Variants in ARIH2 observed in about 807,000 individuals in gnomAD.
ARIH2 encodes the protein E3 ubiquitin-protein ligase ARIH2.
A neutral mutation model predicts 79.8 loss-of-function variants in ARIH2; 12 were observed. The ratio of observed to expected loss-of-function variants is 0.15; its 90% CI spans 0.10 to 0.24. The LOEUF is 0.24. Ranked by LOEUF, ARIH2 falls within the 10% of genes least tolerant of loss-of-function variation. The pLI, the probability that ARIH2 is intolerant of heterozygous loss-of-function variation, is 1.00. For missense variants in ARIH2, 301 were observed against 618.3 expected (o/e 0.49, Z 5.44); for synonymous variants, 224 against 213.9 (o/e 1.05, Z -0.41).
At chr3:48,930,462 T>C (rs1195932396) in intron 3 of ARIH2, among the ~76,000 whole-genome samples, 2 of 152,114 alleles carry the variant, frequency 1.3e-5, no homozygotes. Context: ...CAGCTTGGGC[T>C]ACAGAGCAAG....
chr3:48,938,432 C>A (rs945378955), intron 3 of ARIH2, among the ~76,000 whole-genome samples: 1 of 151,894 alleles, frequency 6.6e-6, no homozygotes, highest in Admixed American at 6.6e-5. Context: ...AAAGAATGAG[C>A]TACTTATATA....
chr3:48,943,455 T>C (rs2088644242), intron 3 of ARIH2: 1 of 151,660 alleles, frequency 6.6e-6, no homozygotes, highest in Admixed American at 6.6e-5. Context: ...TTGTGGTGGA[T>C]GTGGGTGTGG....
At chr3:48,919,916 A>C (rs2084544614) in intron 1 of ARIH2, among the ~76,000 whole-genome samples, 1 of 152,094 alleles carries the variant, frequency 6.6e-6, no homozygotes, top group Non-Finnish European at 1.5e-5. Flanking sequence ...CGTGGTGGGC[A>C]AGCCCAGGAT....
At chr3:48,973,941 G>A (rs887529030) in intron 9 of ARIH2, 125 bp downstream of exon 9, 1 of 660,804 alleles carries the variant, frequency 1.5e-6, no homozygotes, top group Non-Finnish European at 2.6e-6. Flanking sequence ...AGGACTGGGG[G>A]TTTGGGGACC....
chr3:48,927,480 C>G lies in ARIH2; in HGVS notation c.-79C>G. 6.6e-7 allele frequency: 1 copy of G among 1,521,444 alleles called. No homozygotes were observed. The highest frequency in any genetic ancestry group is 8.9e-7 in the Non-Finnish European group (1 of 1,128,126). 94.2% of individuals were successfully genotyped at this position (1,521,444 alleles called of 1,614,324 possible). ...CCCTTAGAAGACAAAAATACTAATGCATTTGAGAAAGCGGTAGTTTTGGGG... is the reference window on the plus strand; with the variant it reads ...CCCTTAGAAGACAAAAATACTAATGGATTTGAGAAAGCGGTAGTTTTGGGG... On this transcript the variant is annotated 5_prime_UTR_variant, in exon 3 of 16. Transcript: ENST00000356401.
rs1468918987 is a variant in ARIH2 at position 48,985,338 on chromosome 3, G to A, written c.*2068G>A. 2.6e-5 allele frequency: 4 copies of A among 152,112 alleles called. No homozygotes were observed. The highest frequency in any genetic ancestry group is 2.1e-4 in the South Asian group (1 of 4,832). The allele number at this position is 152,112 out of a possible 1,614,324, so 9.4% of individuals were successfully genotyped here. ...CCCTCCTGTGCCCTCAGTGGCTGTC[G>A]TTTGTTAACATCATCAGGAAGATGG... On this transcript the variant is annotated 3_prime_UTR_variant, in exon 16 of 16. Coordinates refer to ENST00000356401, the MANE Select transcript of ARIH2 (RefSeq NM_006321.4).
At chr3:48,940,808 A>AAAAATATACATATATATATATAT (rs759369585) in intron 3 of ARIH2, among the ~76,000 whole-genome samples, 1 of 98,048 alleles carries the variant, frequency 1.0e-5, no homozygotes, top group African/African-American at 4.1e-5. Flanking sequence ...AAAAAAAAAA[A>AAAAATATACATATATATATATAT]ATATATATAT....
intron 3 of ARIH2, among the ~76,000 whole-genome samples, 160 bp from the exon 4 acceptor site, chr3:48,961,452 A>C (rs557598831): frequency 6.6e-6 from 1 of 152,356 alleles, no homozygotes; most frequent in African/African-American, 2.4e-5. Context: ...AGATTGTAAG[A>C]GTCTAAACTT....
At chr3:48,932,105 G>A (rs1420685648) in intron 3 of ARIH2, among the ~76,000 whole-genome samples, 1 of 152,160 alleles carries the variant, frequency 6.6e-6, no homozygotes, top group African/African-American at 2.4e-5. Context: ...TATGTTCTGG[G>A]ACCAGTCTAT....
At chr3:48,933,099 C>T (rs2086590305) in intron 3 of ARIH2, among the ~76,000 whole-genome samples, 1 of 152,210 alleles carries the variant, frequency 6.6e-6, no homozygotes, top group Non-Finnish European at 1.5e-5. Flanking sequence ...GTTTTTGAGA[C>T]AGCGCCTCAC....
rs772667338 is a variant in ARIH2, at chr3:48,918,881, G to T, written c.-279G>T. 2 of 1,607,760 alleles carry T rather than the reference G, an allele frequency of 1.2e-6. No homozygotes were observed. The highest frequency in any genetic ancestry group is 2.2e-5 in the South Asian group (2 of 90,836). On this transcript the variant is annotated 5_prime_UTR_variant, in exon 1 of 16. Coordinates refer to ENST00000356401, the MANE Select transcript of ARIH2 (RefSeq NM_006321.4). Reference sequence around the variant, plus strand: ...GACTCTTCTGGAGGAAGCAGCGCGGGCTTGACCGGCGTCGGCCCGCCGCCT... The same window carrying T: ...GACTCTTCTGGAGGAAGCAGCGCGGTCTTGACCGGCGTCGGCCCGCCGCCT...
At chr3:48,923,719 C>G (rs1244893297) in intron 2 of ARIH2, among the ~76,000 whole-genome samples, 1 of 152,012 alleles carries the variant, frequency 6.6e-6, no homozygotes, top group Non-Finnish European at 1.5e-5. Context: ...CGGGGTTTCT[C>G]CATGTTGGTC....
intron 3 of ARIH2, among the ~76,000 whole-genome samples, chr3:48,936,329 G>A (rs1048963366): frequency 6.6e-5 from 10 of 152,166 alleles, no homozygotes; most frequent in African/African-American, 2.4e-4. Context: ...TGCTCCTCCT[G>A]AAATGTATCT....
At chr3:48,964,471 A>G (rs943464377) in intron 4 of ARIH2, among the ~76,000 whole-genome samples, 5 of 150,652 alleles carry the variant, frequency 3.3e-5, no homozygotes, top group Non-Finnish European at 7.4e-5. Context: ...ACGTGCCACC[A>G]TGCCCAGCTA....
At chr3:48,959,079 G>A (rs1428065896) in intron 3 of ARIH2, among the ~76,000 whole-genome samples, 3 of 152,056 alleles carry the variant, frequency 2.0e-5, no homozygotes. Flanking sequence ...CACTTTGGGA[G>A]GCCAAGGCGG....
At chr3:48,956,482 G>A (rs2090598861) in intron 3 of ARIH2, among the ~76,000 whole-genome samples, 1 of 110,076 alleles carries the variant, frequency 9.1e-6, no homozygotes, top group African/African-American at 3.4e-5. Flanking sequence ...TTAAGAGACA[G>A]GGTTTTGCTG....
chr3:48,957,474 A>G (rs1306859572), intron 3 of ARIH2, among the ~76,000 whole-genome samples: 1 of 152,102 alleles, frequency 6.6e-6, no homozygotes, highest in African/African-American at 2.4e-5. Flanking sequence ...CTTAGTGTAA[A>G]GGGCCCATCT....
intron 3 of ARIH2, among the ~76,000 whole-genome samples, chr3:48,947,369 C>T (rs776629290): frequency 1.4e-5 from 2 of 138,522 alleles, no homozygotes; most frequent in African/African-American, 2.7e-5. Flanking sequence ...TGAACCTGGG[C>T]GGTGGAGGTT....
chr3:48,980,593 T>G, intron 13 of ARIH2, 97 bp downstream of exon 13: 1 of 1,403,416 alleles, frequency 7.1e-7, no homozygotes, highest in South Asian at 1.4e-5. Flanking sequence ...AGAGGGTATT[T>G]TAGCACCCTG....
Sources: allele counts gnomAD v4.1 joint callset (sites outside exome capture counted in the v4.1 genomes callset), GRCh38; gene constraint gnomAD v4.1.1; transcripts MANE v1.5; gene names NCBI Gene and HGNC (gene_info 2026-07-23, HGNC 2026-07-21).